ITPR2: variants seen among roughly 807,000 people sequenced by gnomAD.
ITPR2 encodes inositol 1,4,5-trisphosphate receptor type 2.
ITPR2 carries 207 observed loss-of-function variants against 317.1 expected under a neutral mutation model. That is an observed-to-expected ratio of 0.65 (90% CI 0.58 to 0.73). ITPR2 has a LOEUF of 0.73. ITPR2 is among the 30% of genes least tolerant of loss of function. The pLI, the probability that ITPR2 is intolerant of heterozygous loss-of-function variation, is 0.00. For missense variants in ITPR2, 2,613 were observed against 3,284.0 expected, an observed-to-expected ratio of 0.80 and a Z score of 4.99; for synonymous variants, 1,156 against 1,149.1, an observed-to-expected ratio of 1.01 and a Z score of -0.12.
Position 26,428,049 on chromosome 12 carries a change from G to T in ITPR2, c.6809C>A (p.Ala2270Glu). ...SPLFSVLLWI[A>E]VAICTSMLFF... ...CAGCATAGATGTGCAGATCGCAACT[G>T]CTATCCAAAGAAGAACCGAGAACAA... The change falls in exon 49 of 57, where the codon GCA becomes GAA. Residue 2270 changes from alanine (A) to glutamate (E), a missense_variant. Around this residue, in one of 9 missense-constraint regions of ITPR2, gnomAD observed 926 missense variants for 1,072.8 expected, o/e 0.86. Coordinates refer to ENST00000381340, the MANE Select transcript of ITPR2 (RefSeq NM_002223.4). The T allele has an allele frequency of 6.2e-7, 1 of 1,609,956 alleles. No homozygotes were observed. The highest frequency in any genetic ancestry group is 1.3e-5 in the African/African-American group (1 of 74,716).
chr12:26,484,076 T>A (rs192950206), intron 41 of ITPR2, among the ~76,000 whole-genome samples, 178 bp from the exon 42 acceptor site: 52 of 150,600 alleles, frequency 3.5e-4, no homozygotes, highest in African/African-American at 1.2e-3. Flanking sequence ...CCCAAGCATC[T>A]ATATATATAT....
intron 54 of ITPR2, among the ~76,000 whole-genome samples, chr12:26,389,891 T>G (rs1434607995): frequency 1.3e-5 from 2 of 152,198 alleles, no homozygotes; most frequent in Non-Finnish European, 2.9e-5. Context: ...GGATAAAAAT[T>G]TATTACATTT....
intron 24 of ITPR2, chr12:26,623,297 A>G (rs1178033200): frequency 6.6e-6 from 1 of 152,144 alleles, no homozygotes; most frequent in Non-Finnish European, 1.5e-5. Flanking sequence ...GACATGAATC[A>G]TCCCTTTGCC....
At chr12:26,686,780 A>C in intron 10 of ITPR2, 148 bp from the exon 11 acceptor site, 1 of 697,174 alleles carries the variant, frequency 1.4e-6, no homozygotes, top group Non-Finnish European at 2.4e-6. Flanking sequence ...CACTAGCTCT[A>C]GCCCGACAGC....
chr12:26,692,124 C>CCCCG (rs1442635114), intron 10 of ITPR2, among the ~76,000 whole-genome samples: 25 of 152,150 alleles, frequency 1.6e-4, no homozygotes, highest in African/African-American at 6.0e-4. Flanking sequence ...ACCGCCCCCC[C>CCCCG]GCCAAATTCT....
chr12:26,772,559 T>C (rs1382863002), intron 2 of ITPR2, among the ~76,000 whole-genome samples: 1 of 136,590 alleles, frequency 7.3e-6, no homozygotes, highest in Non-Finnish European at 1.6e-5. Context: ...ATAATACATG[T>C]ATTATATATA....
intron 37 of ITPR2, among the ~76,000 whole-genome samples, chr12:26,545,239 G>A (rs144360574): frequency 2.7e-4 from 41 of 152,242 alleles, no homozygotes; most frequent in African/African-American, 8.7e-4. Flanking sequence ...AAAGGGATTC[G>A]GCAGGTGTGA....
In ITPR2 at chr12:26,599,163, C is replaced by T; in HGVS notation, c.3984G>A (p.Gln1328=). The T allele has an allele frequency of 6.2e-7, 1 of 1,614,050 alleles. No individual in the cohort carries two copies. Among genetic ancestry groups the T allele is most frequent in the Middle Eastern group, 1.6e-4 (1 of 6,062 alleles). Residue 1328 remains glutamine, a synonymous_variant, in exon 30 of 57, where the codon CAG becomes CAA. Coordinates refer to ENST00000381340, the MANE Select transcript of ITPR2 (RefSeq NM_002223.4). ...AACATACCTCTGTCATTACCATATC[C>T]TGGCATTTCTTCACATATTTACCAT... The part of the protein sequence containing the change: ...KADGKYVKKC[Q]DMVMTELING...
chr12:26,595,024 G>A (rs1385519361), intron 32 of ITPR2, among the ~76,000 whole-genome samples: 2 of 152,178 alleles, frequency 1.3e-5, no homozygotes, highest in Admixed American at 6.5e-5. Context: ...AGGCAACAGC[G>A]AGCAAGGCCA....
chr12:26,631,726 T>C, intron 22 of ITPR2, 140 bp downstream of exon 22: 1 of 679,890 alleles, frequency 1.5e-6, no homozygotes. Flanking sequence ...TTTACCAGGT[T>C]TGTCATTAAC....
At chr12:26,818,533 A>G (rs1950894740) in intron 1 of ITPR2, among the ~76,000 whole-genome samples, 1 of 152,242 alleles carries the variant, frequency 6.6e-6, no homozygotes, top group African/African-American at 2.4e-5. Flanking sequence ...GAAGAAAGGT[A>G]AATAAAAGTC....
At chr12:26,443,746 A>G in intron 45 of ITPR2, 96 bp from the exon 46 acceptor site, 1 of 839,166 alleles carries the variant, frequency 1.2e-6, no homozygotes, top group Non-Finnish European at 2.0e-6. Flanking sequence ...ACATAGCTTC[A>G]GAGTCCTAGG....
At chr12:26,712,280 C>A (rs1948658359) in intron 8 of ITPR2, among the ~76,000 whole-genome samples, 1 of 152,178 alleles carries the variant, frequency 6.6e-6, no homozygotes, top group African/African-American at 2.4e-5. Flanking sequence ...ACATTACGTT[C>A]TTTTTGCTAG....
chr12:26,682,247 C>T (rs1392490700), intron 12 of ITPR2, among the ~76,000 whole-genome samples: 3 of 152,152 alleles, frequency 2.0e-5, no homozygotes, highest in African/African-American at 7.2e-5. Flanking sequence ...CCACTGGAAA[C>T]TTCTCCCTTT....
chr12:26,563,518 T>C (rs576525812), intron 34 of ITPR2, among the ~76,000 whole-genome samples: 2 of 151,526 alleles, frequency 1.3e-5, no homozygotes, highest in South Asian at 4.2e-4. Context: ...TGCACACCAC[T>C]GCACTGCAGC....
At chr12:26,692,369 T>C (rs1452506528) in intron 10 of ITPR2, among the ~76,000 whole-genome samples, 1 of 152,150 alleles carries the variant, frequency 6.6e-6, no homozygotes, top group Admixed American at 6.6e-5. Flanking sequence ...GCAAAAGCCA[T>C]TGCACCACAA....
intron 13 of ITPR2, among the ~76,000 whole-genome samples, chr12:26,674,439 A>G (rs1431809666): frequency 6.6e-6 from 1 of 152,242 alleles, no homozygotes; most frequent in Non-Finnish European, 1.5e-5. Flanking sequence ...GAAACAAGCA[A>G]TGGGAAAAGG....
intron 34 of ITPR2, among the ~76,000 whole-genome samples, chr12:26,568,006 T>TTATATATA (rs71069253): frequency 1.3e-4 from 1 of 7,506 alleles, no homozygotes; most frequent in African/African-American, 3.6e-4. Flanking sequence ...ATTATATATA[T>TTATATATA]TATATATATA....
chr12:26,688,525 G>A (rs1948173384), intron 10 of ITPR2, among the ~76,000 whole-genome samples: 1 of 152,012 alleles, frequency 6.6e-6, no homozygotes, highest in Admixed American at 6.6e-5. Context: ...AGAAAGGGGA[G>A]GAAGAAGGAG....
Sources: allele counts gnomAD v4.1 joint callset (sites outside exome capture counted in the v4.1 genomes callset), GRCh38; gene constraint gnomAD v4.1.1; regional missense constraint gnomAD v4.1.1; transcripts MANE v1.5; gene names NCBI Gene and HGNC (gene_info 2026-07-23, HGNC 2026-07-21).